The following TSPAN15 variants were observed in gnomAD, a reference collection of about 807,000 sequenced individuals.
The protein encoded by TSPAN15 is tetraspanin 15.
A neutral mutation model predicts 34.5 loss-of-function variants in TSPAN15; 20 were observed. The ratio of observed to expected loss-of-function variants is 0.58; its 90% confidence interval spans 0.41 to 0.84. TSPAN15 has a LOEUF of 0.84. Ranked by LOEUF, TSPAN15 falls within the 40% of genes least tolerant of loss-of-function variation. The pLI is 0.00. For missense variants in TSPAN15, 313 were observed against 386.1 expected (o/e 0.81, Z 1.59); for synonymous variants, 155 against 153.9 (o/e 1.01, Z -0.05).
intron 1 of TSPAN15, among the ~76,000 whole-genome samples, chr10:69,482,967 T>C (rs75946129): frequency 1.9e-5 from 1 of 52,050 alleles, no homozygotes; most frequent in Admixed American, 1.8e-4. Context: ...CAGGGTTGAT[T>C]TTTTTTTTTT....
chr10:69,488,244 G>T (rs1425317133), intron 3 of TSPAN15, among the ~76,000 whole-genome samples: 1 of 152,088 alleles, frequency 6.6e-6, no homozygotes, highest in African/African-American at 2.4e-5. Context: ...AATGTGATAT[G>T]ATTTTGTAAA....
At chr10:69,539,470 G>GAAGAAGAAT in the TSPAN15 span, among the ~76,000 whole-genome samples, 7 of 59,140 alleles carry the variant, frequency 1.2e-4, no homozygotes, top group Non-Finnish European at 2.2e-4. Flanking sequence ...GAAGGAGAAG[G>GAAGAAGAAT]AGAAGGAGAA....
downstream of TSPAN15, among the ~76,000 whole-genome samples, chr10:69,511,031 A>T (rs1238877500): frequency 2.6e-5 from 4 of 152,052 alleles, no homozygotes; most frequent in Non-Finnish European, 1.5e-5. Flanking sequence ...TTGGCCTGAA[A>T]TTTTCTTTTT....
chr10:69,463,045 G>T (rs1841304910), intron 1 of TSPAN15, among the ~76,000 whole-genome samples: 1 of 152,206 alleles, frequency 6.6e-6, no homozygotes. Flanking sequence ...AGGGAGGGGA[G>T]TCTGTGAGTT....
chr10:69,509,229 C>A (rs1055465484), downstream of TSPAN15, among the ~76,000 whole-genome samples: 1 of 152,016 alleles, frequency 6.6e-6, no homozygotes, highest in Non-Finnish European at 1.5e-5. Context: ...CTCACAGACA[C>A]CCCTCTACCT....
downstream of TSPAN15, chr10:69,507,738 C>G: frequency 9.5e-7 from 1 of 1,054,402 alleles, no homozygotes; most frequent in Non-Finnish European, 1.2e-6. Flanking sequence ...ATTTGGAAAC[C>G]CCTTGTGGAT....
intron 3 of TSPAN15, chr10:69,494,727 G>C: frequency 3.0e-6 from 3 of 985,398 alleles, no homozygotes; most frequent in Non-Finnish European, 3.6e-6. Context: ...GAATTGTCTG[G>C]CTCTTCAGTC....
rs553060175 is a variant in TSPAN15 at position 69,506,051 on chromosome 10, A to C, written c.619-73A>C. On this transcript the variant is annotated intron_variant, in intron 6 of 7. Coordinates refer to ENST00000373290, the MANE Select transcript of TSPAN15 (RefSeq NM_012339.5). The surrounding 1 kb of genome is among the most constrained non-coding windows in gnomAD (Gnocchi z 4.7). ...AGGGACTAGCCTGGACCTTGTGTACATGGCAGAGTCGGGGCTGTGGCTCCT... is the reference window on the plus strand; with the variant it reads ...AGGGACTAGCCTGGACCTTGTGTACCTGGCAGAGTCGGGGCTGTGGCTCCT... 2 of 1,288,276 alleles carry C rather than the reference A, an allele frequency of 1.6e-6. No individual in the cohort carries two copies. The highest frequency in any genetic ancestry group is 1.3e-5 in the South Asian group (1 of 79,416). The allele number at this position is 1,288,276 out of a possible 1,614,324, so 79.8% of individuals were successfully genotyped here. A position where few individuals can be genotyped will look rare whatever the true frequency, so the allele number is the denominator to read the frequency against.
At chr10:69,494,504 C>T in intron 3 of TSPAN15, 4 of 299,012 alleles carry the variant, frequency 1.3e-5, no homozygotes, top group Non-Finnish European at 2.0e-5. Flanking sequence ...AGCGGAGGCC[C>T]AGGTGGCTGT....
chr10:69,507,270 G>C lies in TSPAN15; in HGVS notation c.*292G>C. On this transcript the variant is annotated 3_prime_UTR_variant, in exon 8 of 8. Coordinates refer to ENST00000373290, the MANE Select transcript of TSPAN15 (RefSeq NM_012339.5). ...CTGGGCTACGGGGGAGGGAGAGCCT[G>C]AGGCTCTGCTCAGGGCCCATTTCAT... The C allele has an allele frequency of 7.5e-7, 1 of 1,329,548 alleles. No homozygotes were observed. The highest frequency in any genetic ancestry group is 9.6e-7 in the Non-Finnish European group (1 of 1,036,512). The allele number at this position is 1,329,548 out of a possible 1,614,324, so 82.4% of individuals were successfully genotyped here.
At chr10:69,478,640 G>A in intron 1 of TSPAN15, among the ~76,000 whole-genome samples, 1 of 152,104 alleles carries the variant, frequency 6.6e-6, no homozygotes, top group East Asian at 1.9e-4. Flanking sequence ...GTTCTCTGGG[G>A]AAGCCCGTGG....
chr10:69,503,704 C>T (rs561308236), intron 5 of TSPAN15, among the ~76,000 whole-genome samples: 14 of 152,180 alleles, frequency 9.2e-5, no homozygotes, highest in African/African-American at 2.9e-4. Flanking sequence ...CTGGGGGGGA[C>T]GGTCATGGGC....
At chr10:69,480,645 A>C (rs1298028090) in intron 1 of TSPAN15, among the ~76,000 whole-genome samples, 1 of 152,108 alleles carries the variant, frequency 6.6e-6, no homozygotes, top group African/African-American at 2.4e-5. Flanking sequence ...TTAGTGAGTG[A>C]TTCCTCATGG....
the TSPAN15 span, among the ~76,000 whole-genome samples, chr10:69,539,505 G>A: frequency 1.2e-5 from 1 of 84,128 alleles, no homozygotes; most frequent in African/African-American, 4.6e-5. Flanking sequence ...AGAAGAAGAA[G>A]AAGAAGAAGA....
In TSPAN15 at chr10:69,495,417, T is replaced by G. The variant is rs952198364; in HGVS notation, c.358-177T>G. On this transcript the variant is annotated intron_variant, in intron 3 of 7. Coordinates refer to ENST00000373290, the MANE Select transcript of TSPAN15 (RefSeq NM_012339.5). ...ATGAACACTGGAGGCACGGGGAGGA[T>G]GTGTGGGTAGGGAGGTCACGGGCAT... 1.9e-5 allele frequency: 11 copies of G among 589,016 alleles called. 1 individual carries two copies. The East Asian group carries it at 3.2e-4, about 17-fold the overall frequency. The allele number at this position is 589,016 out of a possible 1,614,324, so 36.5% of individuals were successfully genotyped here.
Position 69,483,720 on chromosome 10 carries a change from C to CCTGTCTGTGGGTCCT in TSPAN15, c.126_127insCTGTCTGTGGGTCCT (p.Gly42_Ile43insLeuSerValGlyPro). 6.2e-7 allele frequency: 1 copy of CCTGTCTGTGGGTCCT among 1,614,122 alleles called. No individual in the cohort carries two copies. On this transcript the variant is annotated inframe_insertion, in exon 2 of 8. Coordinates refer to ENST00000373290, the MANE Select transcript of TSPAN15 (RefSeq NM_012339.5). ...TTGGGGCCCTGGTCCTGTCTGTGGG[C>CCTGTCTGTGGGTCCT]ATCTATGCAGAGGTTGAGCGGCAGA...
chr10:69,459,105 CAAA>C (rs1259881929), intron 1 of TSPAN15, among the ~76,000 whole-genome samples: 1 of 57,720 alleles, frequency 1.7e-5, no homozygotes, highest in Admixed American at 2.0e-4. Flanking sequence ...ACAAAACAGA[CAAA>C]AAAAAAAAAA....
At chr10:69,516,964 C>T in the TSPAN15 span, among the ~76,000 whole-genome samples, 1 of 152,182 alleles carries the variant, frequency 6.6e-6, no homozygotes, top group Non-Finnish European at 1.5e-5. Context: ...ACTCAGTGGG[C>T]TCACTGGATC....
chr10:69,493,602 A>G (rs1164479647), intron 3 of TSPAN15, among the ~76,000 whole-genome samples: 1 of 151,250 alleles, frequency 6.6e-6, no homozygotes, highest in Non-Finnish European at 1.5e-5. Flanking sequence ...CCTCCCGAGT[A>G]GCTGGGACTA....
Sources: allele counts gnomAD v4.1 joint callset (sites outside exome capture counted in the v4.1 genomes callset), GRCh38; gene constraint gnomAD v4.1.1; non-coding constraint Gnocchi (gnomAD v3.1); transcripts MANE v1.5; gene names NCBI Gene and HGNC (gene_info 2026-07-23, HGNC 2026-07-21).